The following SBF2 variants were observed in gnomAD, a reference collection of about 807,000 sequenced individuals.
The protein encoded by SBF2 is myotubularin-related protein 13.
Under a neutral mutation model 225.2 loss-of-function variants are expected in SBF2, and 112 were observed. The ratio of observed to expected loss-of-function variants is 0.50; its 90% CI spans 0.43 to 0.58. SBF2 has a LOEUF of 0.58. SBF2 is among the 20% of genes least tolerant of loss of function. SBF2 has a pLI of 0.00. For missense variants in SBF2, 1,996 were observed against 2,206.2 expected (o/e 0.90, Z 1.91); for synonymous variants, 763 against 773.3 (o/e 0.99, Z 0.22).
At chr11:10,260,408 A>AC (rs1961307355) in intron 1 of SBF2, among the ~76,000 whole-genome samples, 2 of 148,308 alleles carry the variant, frequency 1.3e-5, no homozygotes, top group Admixed American at 6.8e-5. Context: ...ACATAGTAAG[A>AC]CCCCATCTCT....
intron 2 of SBF2, among the ~76,000 whole-genome samples, chr11:10,137,046 A>G (rs914132029): frequency 3.3e-5 from 5 of 152,198 alleles, no homozygotes; most frequent in East Asian, 1.9e-4. Context: ...CTATGTACAC[A>G]GTATTTCCAT....
At chr11:10,195,539 G>A (rs1010444690) in intron 1 of SBF2, among the ~76,000 whole-genome samples, 1 of 152,120 alleles carries the variant, frequency 6.6e-6, no homozygotes, top group Non-Finnish European at 1.5e-5. Context: ...TACCTAACTT[G>A]AGGAAGTCTT....
chr11:10,294,639 C>T (rs1318879961), upstream of SBF2, among the ~76,000 whole-genome samples: 1 of 152,262 alleles, frequency 6.6e-6, no homozygotes, highest in African/African-American at 2.4e-5. Flanking sequence ...TTTTGCTGCA[C>T]GTTTCCTGTT....
chr11:9,990,196 AATAG>A (rs1353190164), intron 12 of SBF2, among the ~76,000 whole-genome samples: 8 of 152,204 alleles, frequency 5.3e-5, no homozygotes, highest in African/African-American at 2.4e-5. Context: ...TGGGGGGGTA[AATAG>A]ATGGATGACA....
intron 1 of SBF2, among the ~76,000 whole-genome samples, chr11:10,231,656 C>T (rs892355063): frequency 2.6e-5 from 4 of 152,142 alleles, no homozygotes; most frequent in African/African-American, 9.7e-5. Context: ...GCTGCCTGAT[C>T]GTTTCTCTGG....
At chr11:10,188,427 A>G (rs1957030027) in intron 2 of SBF2, among the ~76,000 whole-genome samples, 1 of 152,176 alleles carries the variant, frequency 6.6e-6, no homozygotes, top group African/African-American at 2.4e-5. Context: ...CATCTTCCTC[A>G]GGAAGTTCTC....
Position 9,779,666 on chromosome 11 carries a change from A to C in SBF2, c.*752T>G, listed in dbSNP as rs990294599. The C allele has an allele frequency of 6.5e-6, 1 of 152,806 alleles. No homozygotes were observed. Among genetic ancestry groups the C allele is most frequent in the African/African-American group, 2.4e-5 (1 of 41,450 alleles). 9.5% of individuals were successfully genotyped at this position (152,806 alleles called of 1,614,324 possible). A position where few individuals can be genotyped will look rare whatever the true frequency, so the allele number is the denominator to read the frequency against. ...TTTTTGCATGTTATTTTGAAAAAGA[A>C]GCTGTCAGGAAGCAGAAGATACATA... On this transcript the variant is annotated 3_prime_UTR_variant, in exon 40 of 40. Transcript: ENST00000256190.
rs867241329 is a variant in SBF2 at position 9,967,876 on chromosome 11, T to C, written c.1600+465A>G. On this transcript the variant is annotated intron_variant, in intron 14 of 39. Transcript: ENST00000256190. Reference sequence around the variant, plus strand: ...GTTACGGTGAGCCGAGATCACACCATTGTACTCCAGCCTGGGCAACAAGGG... The same window carrying C: ...GTTACGGTGAGCCGAGATCACACCACTGTACTCCAGCCTGGGCAACAAGGG... Among the ~76,000 whole-genome samples, 42 of 151,616 alleles carry C rather than the reference T, an allele frequency of 2.8e-4. No homozygotes were observed. The Middle Eastern group carries it at 0.031, about 111-fold the overall frequency.
chr11:10,137,915 G>A (rs1054357942), intron 2 of SBF2, among the ~76,000 whole-genome samples: 3 of 152,022 alleles, frequency 2.0e-5, no homozygotes, highest in Non-Finnish European at 2.9e-5. Context: ...CAGGAGAATC[G>A]CTTGAACCCA....
rs1856254310 is a variant in SBF2 at position 9,842,777 on chromosome 11, G to A, written c.3111-7C>T. 6.2e-7 allele frequency: 1 copy of A among 1,613,830 alleles called. No individual in the cohort carries two copies. Among genetic ancestry groups the A allele is most frequent in the Non-Finnish European group, 8.5e-7 (1 of 1,179,824 alleles). ...AATTGTTTTTGAGAAGGTACTACAA[G>A]TCATAAAACCAAAGAGAATGTCAAC... On this transcript the variant is annotated splice_polypyrimidine_tract_variant and splice_region_variant and intron_variant, in intron 24 of 39. Transcript: ENST00000256190.
intron 29 of SBF2, 102 bp from the exon 30 acceptor site, chr11:9,812,810 A>C (rs1854264298): frequency 2.5e-6 from 3 of 1,195,734 alleles, no homozygotes; most frequent in Admixed American, 1.9e-5. Context: ...TTTGGGGCCA[A>C]ATAGCTGCAG....
intron 1 of SBF2, among the ~76,000 whole-genome samples, chr11:10,198,788 T>C (rs1957471101): frequency 6.6e-6 from 1 of 152,248 alleles, no homozygotes; most frequent in East Asian, 1.9e-4. Flanking sequence ...CACTTTCATG[T>C]TATAGAGACA....
chr11:10,147,187 C>T (rs566457828), intron 2 of SBF2, among the ~76,000 whole-genome samples: 2 of 152,010 alleles, frequency 1.3e-5, no homozygotes, highest in Non-Finnish European at 2.9e-5. Context: ...AAAAGCAGAA[C>T]TATCATTTGA....
At chr11:10,035,121 C>T (rs560975320) in intron 3 of SBF2, among the ~76,000 whole-genome samples, 55 of 152,216 alleles carry the variant, frequency 3.6e-4, no homozygotes, top group Middle Eastern at 6.8e-3. Flanking sequence ...CCCGCCACCA[C>T]GCCTGGCTAA....
intron 16 of SBF2, chr11:9,928,971 A>G: frequency 2.1e-6 from 1 of 478,338 alleles, no homozygotes; most frequent in Non-Finnish European, 4.1e-6. Flanking sequence ...AGCAGCAGAG[A>G]TAACTTGCAA....
chr11:10,173,157 C>G (rs1367476437), intron 2 of SBF2, among the ~76,000 whole-genome samples: 1 of 152,198 alleles, frequency 6.6e-6, no homozygotes, highest in Non-Finnish European at 1.5e-5. Context: ...AGGAGAGGAG[C>G]CAAGATGGCC....
chr11:10,047,556 ACCATTACCCC>A (rs1949909809), intron 2 of SBF2, among the ~76,000 whole-genome samples: 1 of 152,276 alleles, frequency 6.6e-6, no homozygotes, highest in South Asian at 2.1e-4. Flanking sequence ...AGGTATTATG[ACCATTACCCC>A]CTTTGATCCA....
At chr11:10,254,131 C>A (rs540196865) in intron 1 of SBF2, among the ~76,000 whole-genome samples, 30 of 152,236 alleles carry the variant, frequency 2.0e-4, no homozygotes, top group African/African-American at 7.0e-4. Context: ...TGCCTGTAAT[C>A]CCCACACTTT....
At chr11:10,266,054 C>T (rs1295611749) in intron 1 of SBF2, among the ~76,000 whole-genome samples, 1 of 152,102 alleles carries the variant, frequency 6.6e-6, no homozygotes, top group Non-Finnish European at 1.5e-5. Context: ...ACTTTTTCGG[C>T]TAGGCAGAAG....
Sources: gnomAD v4.1 joint callset for allele counts (sites outside exome capture counted in the v4.1 genomes callset) on GRCh38, gnomAD v4.1.1 for gene constraint, MANE v1.5 for transcripts, NCBI Gene and HGNC (gene_info 2026-07-23, HGNC 2026-07-21) for gene names.